Variants in WDR48 observed in about 807,000 individuals in gnomAD.
WDR48 encodes the protein WD repeat-containing protein 48.
WDR48 carries 22 observed loss-of-function variants against 94.0 expected under a neutral mutation model. That is an observed-to-expected ratio of 0.23 (90% CI 0.17 to 0.33). WDR48 has a LOEUF of 0.33. WDR48 is among the 10% of genes least tolerant of loss of function. The probability of loss-of-function intolerance (pLI) is 1.00; values close to 1 mark genes in which losing one functional copy is unlikely to be tolerated. For missense variants in WDR48, 541 were observed against 813.8 expected (o/e 0.66, Z 4.08); for synonymous variants, 278 against 280.5 (o/e 0.99, Z 0.09).
At chr3:39,065,663 A>G (rs2033559106) in intron 2 of WDR48, 148 bp from the exon 3 acceptor site, 1 of 479,330 alleles carries the variant, frequency 2.1e-6, no homozygotes, top group Non-Finnish European at 3.6e-6. Flanking sequence ...AGCATCACCT[A>G]TTTGGTGAGA....
rs114691662 is a variant in WDR48, at chr3:39,087,981, G to A, written c.1475-147G>A. The A allele has an allele frequency of 2.2e-3, 1,486 of 689,588 alleles. 21 individuals are homozygous for A. In the African/African-American group the frequency reaches 0.024, roughly 11 times the overall value. The allele number at this position is 689,588 out of a possible 1,614,324, so 42.7% of individuals were successfully genotyped here. A position where few individuals can be genotyped will look rare whatever the true frequency, so the allele number is the denominator to read the frequency against. On this transcript the variant is annotated intron_variant, in intron 14 of 18. Coordinates refer to ENST00000302313, the MANE Select transcript of WDR48 (RefSeq NM_020839.4). The stretch of plus-strand genomic sequence containing the variant: ...TTTCTTATTTTCAGAAATTTAACTT[G>A]TTTTTAACCTTTATTTCTAACTCTG...
intron 1 of WDR48, 148 bp from the exon 2 acceptor site, chr3:39,062,902 A>G: frequency 1.1e-6 from 1 of 940,516 alleles, no homozygotes; most frequent in Admixed American, 2.8e-5. Flanking sequence ...TTTAGTCTTT[A>G]AGGAGTAAAA....
At chr3:39,057,932 AT>A (rs1246662808) in intron 1 of WDR48, among the ~76,000 whole-genome samples, 1 of 152,020 alleles carries the variant, frequency 6.6e-6, no homozygotes, top group Non-Finnish European at 1.5e-5. Flanking sequence ...GGTTATTTTT[AT>A]ATATGTATAG....
chr3:39,068,945 A>G, intron 6 of WDR48, 86 bp downstream of exon 6: 1 of 1,033,556 alleles, frequency 9.7e-7, no homozygotes, highest in South Asian at 1.7e-5. Flanking sequence ...GTATTTTACG[A>G]TTAGCTTCTT....
At chr3:39,054,680 A>T (rs926469197) in intron 1 of WDR48, among the ~76,000 whole-genome samples, 1 of 152,232 alleles carries the variant, frequency 6.6e-6, no homozygotes, top group Non-Finnish European at 1.5e-5. Flanking sequence ...GTGTTGTGTG[A>T]AGCCATTCTT....
At chr3:39,058,353 C>T (rs902759003) in intron 1 of WDR48, among the ~76,000 whole-genome samples, 7 of 152,248 alleles carry the variant, frequency 4.6e-5, no homozygotes, top group African/African-American at 1.7e-4. Context: ...AATTCTTTTG[C>T]ATTTTAAAGC....
chr3:39,066,725 A>C (rs2033631531), intron 4 of WDR48, 21 bp from the exon 5 acceptor site: 1 of 1,613,692 alleles, frequency 6.2e-7, no homozygotes. Flanking sequence ...AATAGATCAT[A>C]GTATGTCTGT....
chr3:39,055,191 A>G (rs1388752602), intron 1 of WDR48, among the ~76,000 whole-genome samples: 1 of 152,174 alleles, frequency 6.6e-6, no homozygotes, highest in African/African-American at 2.4e-5. Context: ...AAATATTGCT[A>G]AATAATCAGT....
At chr3:39,092,731 T>G (rs1316929227) in intron 17 of WDR48, among the ~76,000 whole-genome samples, 2 of 152,126 alleles carry the variant, frequency 1.3e-5, no homozygotes, top group Non-Finnish European at 2.9e-5. Context: ...TTTTTAAACC[T>G]TTTTATTACA....
intron 13 of WDR48, among the ~76,000 whole-genome samples, chr3:39,085,293 G>A (rs891724655): frequency 6.6e-6 from 1 of 152,000 alleles, no homozygotes; most frequent in Non-Finnish European, 1.5e-5. Flanking sequence ...CAACCAAGTA[G>A]AATATGTCTT....
At chr3:39,071,724 T>G (rs1386772711) in intron 7 of WDR48, among the ~76,000 whole-genome samples, 1 of 152,220 alleles carries the variant, frequency 6.6e-6, no homozygotes, top group Non-Finnish European at 1.5e-5. Flanking sequence ...CTAGTTTCTC[T>G]TCCACCCATT....
At chr3:39,062,574 C>G (rs2033333871) in intron 1 of WDR48, among the ~76,000 whole-genome samples, 3 of 152,164 alleles carry the variant, frequency 2.0e-5, no homozygotes, top group Non-Finnish European at 4.4e-5. Flanking sequence ...GGAAGAGCTT[C>G]CAAACAGAGA....
chr3:39,060,443 C>T (rs75796854), intron 1 of WDR48, among the ~76,000 whole-genome samples: 2 of 151,224 alleles, frequency 1.3e-5, no homozygotes, highest in Non-Finnish European at 1.5e-5. Flanking sequence ...TATATGCACA[C>T]ACACACATCA....
intron 14 of WDR48, among the ~76,000 whole-genome samples, chr3:39,086,980 A>G (rs1476919068): frequency 6.6e-6 from 1 of 152,180 alleles, no homozygotes; most frequent in Non-Finnish European, 1.5e-5. Flanking sequence ...GAGCAGCTCT[A>G]CTATTCAGGG....
chr3:39,076,897 T>G (rs1031386707), intron 8 of WDR48, among the ~76,000 whole-genome samples: 4 of 152,230 alleles, frequency 2.6e-5, no homozygotes, highest in Admixed American at 2.6e-4. Context: ...TGACCACACT[T>G]AAAATTATTG....
At chr3:39,087,070 G>A (rs1003040574) in intron 14 of WDR48, among the ~76,000 whole-genome samples, 3 of 152,160 alleles carry the variant, frequency 2.0e-5, no homozygotes, top group Admixed American at 1.3e-4. Context: ...GTTCTGGTAT[G>A]GCAGAGAGTT....
chr3:39,083,971 T>G (rs2034669569), intron 11 of WDR48, among the ~76,000 whole-genome samples, 184 bp from the exon 12 acceptor site: 1 of 152,234 alleles, frequency 6.6e-6, no homozygotes, highest in Admixed American at 6.5e-5. Context: ...TTTGTGCTTT[T>G]TTAATTTAAA....
intron 2 of WDR48, among the ~76,000 whole-genome samples, chr3:39,063,547 T>C (rs1195289496): frequency 6.6e-6 from 1 of 152,212 alleles, no homozygotes; most frequent in Non-Finnish European, 1.5e-5. Flanking sequence ...AAAAAAAGAT[T>C]GAATATTCTT....
At chr3:39,092,173 A>G (rs754791529) in intron 17 of WDR48, among the ~76,000 whole-genome samples, 1 of 152,226 alleles carries the variant, frequency 6.6e-6, no homozygotes, top group Non-Finnish European at 1.5e-5. Flanking sequence ...CCCTGTCTCT[A>G]AGAAAAAAAT....
Sources: gnomAD v4.1 joint callset for allele counts (sites outside exome capture counted in the v4.1 genomes callset) on GRCh38, gnomAD v4.1.1 for gene constraint, MANE v1.5 for transcripts, NCBI Gene and HGNC (gene_info 2026-07-23, HGNC 2026-07-21) for gene names.